Variants in ZNF141 observed in about 807,000 individuals in gnomAD.
The protein encoded by ZNF141 is zinc finger protein 141.
A neutral mutation model predicts 11.3 loss-of-function variants in ZNF141; 7 were observed. That is an observed-to-expected ratio of 0.62 (90% CI 0.35 to 1.16). The LOEUF (loss-of-function observed/expected upper bound fraction) is 1.16, where lower values mean the gene tolerates loss of function less well. ZNF141 is among the 50% of genes most tolerant of loss of function. ZNF141 has a pLI of 0.02. For synonymous variants in ZNF141, 183 were observed against 190.7 expected (o/e 0.96, Z 0.33); for missense variants, 535 against 554.0 (o/e 0.97, Z 0.34).
intron 3 of ZNF141, among the ~76,000 whole-genome samples, chr4:352,019 AT>A (rs1581596358): frequency 6.6e-6 from 1 of 152,184 alleles, no homozygotes; most frequent in Admixed American, 6.6e-5. Flanking sequence ...AGCATCAAGC[AT>A]AAGACCTGAA....
chr4:373,406 C>T lies in ZNF141; in HGVS notation c.969C>T (p.Ser323=), dbSNP rs1553853961. 1 of 1,613,718 alleles carries T rather than the reference C, an allele frequency of 6.2e-7. No homozygotes were observed. Among genetic ancestry groups the T allele is most frequent in the Non-Finnish European group, 8.5e-7 (1 of 1,179,938 alleles). The change falls in exon 4 of 4, where the codon TCC becomes TCT. Residue 323 remains serine (S), a synonymous_variant. Transcript: ENST00000240499. ...CEECGKAFNR[S]TTLTKHKRIH... ...AATGTGGCAAAGCCTTTAATAGGTC[C>T]ACAACCCTTACTAAACATAAGAGAA...
chr4:345,178 A>T (rs1721262815), intron 3 of ZNF141, among the ~76,000 whole-genome samples: 1 of 152,222 alleles, frequency 6.6e-6, no homozygotes, highest in South Asian at 2.1e-4. Flanking sequence ...AGGAACACCA[A>T]GGACAGATGT....
At chr4:343,145 AG>A (rs1553848780) in intron 1 of ZNF141, among the ~76,000 whole-genome samples, 1 of 152,204 alleles carries the variant, frequency 6.6e-6, no homozygotes, top group African/African-American at 2.4e-5. Context: ...CAGCAAGGCC[AG>A]GGTGAAGCAT....
Position 374,190 on chromosome 4 carries a change from C to G in ZNF141, c.*328C>G. 3.0e-6 allele frequency: 1 copy of G among 336,874 alleles called. No homozygotes were observed. Among genetic ancestry groups the G allele is most frequent in the Non-Finnish European group, 5.6e-6 (1 of 177,962 alleles). 20.9% of individuals were successfully genotyped at this position (336,874 alleles called of 1,614,324 possible). On this transcript the variant is annotated 3_prime_UTR_variant, in exon 4 of 4. Transcript: ENST00000240499. Reference sequence around the variant, plus strand: ...ACCGGTGAATAAACATAAGAAAAATCATGCTGGAGGGAAGCCCTACACATG... The same window carrying G: ...ACCGGTGAATAAACATAAGAAAAATGATGCTGGAGGGAAGCCCTACACATG...
chr4:384,388 G>A lies in ZNF141; in HGVS notation c.*10526G>A, dbSNP rs147402523. 1.3e-5 allele frequency: 2 copies of A among 152,188 alleles called. No individual in the cohort carries two copies. The highest frequency in any genetic ancestry group is 3.9e-4 in the East Asian group (2 of 5,182). 9.4% of individuals were successfully genotyped at this position (152,188 alleles called of 1,614,324 possible). A position where few individuals can be genotyped will look rare whatever the true frequency, so the allele number is the denominator to read the frequency against. On this transcript the variant is annotated 3_prime_UTR_variant, in exon 4 of 4. Transcript: ENST00000240499. ...TAGGAAGATAGGGAGGGAAGGTCTT[G>A]GGAGATGAAAAACACCCACGGGACC... is the stretch of plus-strand genomic sequence containing the variant.
At chr4:349,446 A>T (rs781799457) in intron 3 of ZNF141, among the ~76,000 whole-genome samples, 7 of 152,148 alleles carry the variant, frequency 4.6e-5, no homozygotes, top group Non-Finnish European at 1.0e-4. Context: ...GGAGAGCTTT[A>T]TTCTCCTTTT....
At position 343,851 on chromosome 4, in the gene ZNF141, C is replaced by G. The variant is rs1721184320; in HGVS notation, c.73C>G (p.Gln25Glu). The change falls in exon 2 of 4, where the codon CAG becomes GAG. Residue 25 changes from glutamine (Q) to glutamate (E), a missense_variant. Physicochemically the swap from Gln to Glu is conservative, Grantham distance 29 (BLOSUM62 2). Transcript: ENST00000240499. Reference protein sequence around the residue: ...PEEWKCLDPDQQNLYRDVMLE... With the variant: ...PEEWKCLDPDEQNLYRDVMLE... ...AGAGTGGAAATGCCTGGACCCTGAC[C>G]AGCAGAATTTGTATAGAGATGTGAT... 1 of 1,610,966 alleles carries G rather than the reference C, an allele frequency of 6.2e-7. No individual in the cohort carries two copies. Among genetic ancestry groups the G allele is most frequent in the African/African-American group, 1.3e-5 (1 of 74,590 alleles).
chr4:375,034 G>T lies in ZNF141; in HGVS notation c.*1172G>T, dbSNP rs1249843068. ...GAAATCCCCTGGAAATGCAAAAAATGTGGCAGGATTTTTACCAATGCTCAT... is the reference window on the plus strand; with the variant it reads ...GAAATCCCCTGGAAATGCAAAAAATTTGGCAGGATTTTTACCAATGCTCAT... On this transcript the variant is annotated 3_prime_UTR_variant, in exon 4 of 4. Transcript: ENST00000240499. The T allele has an allele frequency of 2.0e-5, 3 of 152,096 alleles. No individual in the cohort carries two copies. Among genetic ancestry groups the T allele is most frequent in the Non-Finnish European group, 4.4e-5 (3 of 68,000 alleles). 9.4% of individuals were successfully genotyped at this position (152,096 alleles called of 1,614,324 possible).
At chr4:340,432 A>G (rs751465874) in intron 1 of ZNF141, among the ~76,000 whole-genome samples, 8 of 152,224 alleles carry the variant, frequency 5.3e-5, no homozygotes, top group Non-Finnish European at 1.0e-4. Flanking sequence ...AATGATCTTC[A>G]GATCTGACAC....
chr4:365,546 C>CTTTTG (rs1711700421), intron 3 of ZNF141, among the ~76,000 whole-genome samples: 1 of 152,186 alleles, frequency 6.6e-6, no homozygotes, highest in Non-Finnish European at 1.5e-5. Flanking sequence ...ATAAGTTTAT[C>CTTTTG]TTTTGTTGTG....
rs879996754 is a variant in ZNF141, at chr4:376,511, A to G, written c.*2649A>G. Among the ~76,000 whole-genome samples the G allele has an allele frequency of 7.9e-5, 12 of 152,230 alleles. No homozygotes were observed. The highest frequency in any genetic ancestry group is 1.7e-4 in the African/African-American group (7 of 41,578). On this transcript the variant is annotated 3_prime_UTR_variant, in exon 4 of 4. Transcript: ENST00000240499. ...AATGTACAATTATGATTGTAGTATTATATCAGTATAATTATAATTCATACA... is the reference window on the plus strand; with the variant it reads ...AATGTACAATTATGATTGTAGTATTGTATCAGTATAATTATAATTCATACA...
chr4:380,796 T>C lies in ZNF141; in HGVS notation c.*6934T>C, dbSNP rs1228482351. Among the ~76,000 whole-genome samples, 2 of 152,198 alleles carry C rather than the reference T, an allele frequency of 1.3e-5. No individual in the cohort carries two copies. The highest frequency in any genetic ancestry group is 4.8e-5 in the African/African-American group (2 of 41,446). On this transcript the variant is annotated 3_prime_UTR_variant, in exon 4 of 4. Transcript: ENST00000240499. ...ACTTTGACTCTAGAGATAACACTTA[T>C]TACAGTAAAATCCCTCTTCAGACAC...
intron 3 of ZNF141, among the ~76,000 whole-genome samples, chr4:357,815 T>G (rs1721917259): frequency 6.6e-6 from 1 of 151,512 alleles, no homozygotes; most frequent in East Asian, 2.0e-4. Context: ...CAAGCAATTC[T>G]CTACCTTAGT....
At chr4:369,699 T>C (rs1711927603) in intron 3 of ZNF141, among the ~76,000 whole-genome samples, 1 of 143,586 alleles carries the variant, frequency 7.0e-6, no homozygotes, top group Admixed American at 7.1e-5. Context: ...ATCTATACCT[T>C]TGTGGTATCT....
intron 3 of ZNF141, among the ~76,000 whole-genome samples, chr4:364,066 T>C (rs1553852621): frequency 6.6e-6 from 1 of 152,186 alleles, no homozygotes; most frequent in Admixed American, 6.5e-5. Context: ...AGATGAGCTT[T>C]TTGAAGTGCT....
At chr4:339,218 T>C (rs1720936541) in intron 1 of ZNF141, among the ~76,000 whole-genome samples, 2 of 152,354 alleles carry the variant, frequency 1.3e-5, no homozygotes, top group South Asian at 4.1e-4. Flanking sequence ...TCCTGGTTCA[T>C]TTTAACCCCA....
Position 373,249 on chromosome 4 carries a change from C to A in ZNF141, c.812C>A (p.Thr271Asn). Residue 271 changes from threonine to asparagine, a missense_variant, in exon 4 of 4, where the codon ACT becomes AAT. Physicochemically the swap from Thr to Asn is moderately conservative, Grantham distance 65. Coordinates refer to ENST00000240499, the MANE Select transcript of ZNF141 (RefSeq NM_003441.4). ...GCCTTTAATAGGTTCACAACCCTTACTAAACATAAGAGAATTCATGCTGGA... is the reference window on the plus strand; with the variant it reads ...GCCTTTAATAGGTTCACAACCCTTAATAAACATAAGAGAATTCATGCTGGA... ...GKAFNRFTTL[T>N]KHKRIHAGEK... 6 of 1,613,118 alleles carry A rather than the reference C, an allele frequency of 3.7e-6. No homozygotes were observed. Among genetic ancestry groups the A allele is most frequent in the East Asian group, 2.2e-5 (1 of 44,736 alleles).
At chr4:338,430 G>T (rs551354420) in intron 1 of ZNF141, 6 of 166,106 alleles carry the variant, frequency 3.6e-5, no homozygotes, top group African/African-American at 1.4e-4. Context: ...CGTGGTTTGG[G>T]GGCTGCCAGC....
chr4:368,641 CAA>C, intron 3 of ZNF141, among the ~76,000 whole-genome samples: 1 of 152,184 alleles, frequency 6.6e-6, no homozygotes, highest in Admixed American at 6.5e-5. Context: ...CTTTCAGTAA[CAA>C]TGCTACAATA....
Sources: allele counts gnomAD v4.1 joint callset (sites outside exome capture counted in the v4.1 genomes callset), GRCh38; gene constraint gnomAD v4.1.1; transcripts MANE v1.5; gene names NCBI Gene and HGNC (gene_info 2026-07-23, HGNC 2026-07-21).